Variants in LIPA observed in about 807,000 individuals in gnomAD.
LIPA encodes the protein lipase A, lysosomal acid type.
LIPA carries 26 observed loss-of-function variants against 40.6 expected under a neutral mutation model. The observed-to-expected ratio is 0.64, with a 90% CI of 0.47 to 0.89. LIPA has a LOEUF of 0.89. Among genes scored for constraint, LIPA ranks in the 40% least tolerant of loss-of-function variants. LIPA has a pLI of 0.00. For synonymous variants in LIPA, 188 were observed against 168.4 expected (o/e 1.12, Z -0.90); for missense variants, 455 against 479.6 (o/e 0.95, Z 0.48).
chr10:89,355,504 G>A (rs1344466029), intron 2 of LIPA, among the ~76,000 whole-genome samples: 4 of 152,208 alleles, frequency 2.6e-5, no homozygotes. Context: ...TTCTTCAGTT[G>A]AAATTATAAA....
At position 89,247,518 on chromosome 10, in the gene LIPA, C is replaced by T. The variant is rs761942544; in HGVS notation, c.111+20G>A. Reference sequence around the variant, plus strand: ...GGGAAATAGATGCATTTTAAAAGTACATAACTTTGAGAAACTTACCACATT... The same window carrying T: ...GGGAAATAGATGCATTTTAAAAGTATATAACTTTGAGAAACTTACCACATT... On this transcript the variant is annotated intron_variant, in intron 2 of 9. Coordinates refer to ENST00000336233, the MANE Select transcript of LIPA (RefSeq NM_000235.4). 161 of 1,451,432 alleles carry T rather than the reference C, an allele frequency of 1.1e-4. 1 individual carries two copies. Among genetic ancestry groups the T allele is most frequent in the Middle Eastern group, 8.7e-4 (5 of 5,762 alleles). The allele number at this position is 1,451,432 out of a possible 1,614,324, so 89.9% of individuals were successfully genotyped here. A position where few individuals can be genotyped will look rare whatever the true frequency, so the allele number is the denominator to read the frequency against.
At chr10:89,278,546 C>T (rs1220793090) in intron 1 of LIPA, 1 of 152,090 alleles carries the variant, frequency 6.6e-6, no homozygotes, top group African/African-American at 2.4e-5. Flanking sequence ...AGCAAGTTCC[C>T]CAGGGCCACA....
At chr10:89,253,193 A>G (rs890584766), upstream of LIPA, among the ~76,000 whole-genome samples, 1 of 152,238 alleles carries the variant, frequency 6.6e-6, no homozygotes, top group Non-Finnish European at 1.5e-5. Context: ...TCTGAACTAC[A>G]GAAGCAGGGA....
chr10:89,264,259 T>C (rs1589582450), intron 1 of LIPA, among the ~76,000 whole-genome samples: 1 of 152,134 alleles, frequency 6.6e-6, no homozygotes, highest in East Asian at 1.9e-4. Flanking sequence ...CCAGGAAGAA[T>C]GAAATATGCA....
At chr10:89,276,193 GAGTA>G (rs1843288290) in intron 1 of LIPA, among the ~76,000 whole-genome samples, 1 of 152,184 alleles carries the variant, frequency 6.6e-6, no homozygotes. Context: ...ACTACCTGCA[GAGTA>G]AGTATCTCCT....
At chr10:89,280,734 A>T (rs1843310408) in intron 1 of LIPA, among the ~76,000 whole-genome samples, 2 of 152,230 alleles carry the variant, frequency 1.3e-5, no homozygotes, top group Non-Finnish European at 2.9e-5. Flanking sequence ...ATGTGTGAGG[A>T]TGTTTTATCT....
chr10:89,342,659 C>T (rs1351622535), exon 1 of LIPA: 1 of 152,192 alleles, frequency 6.6e-6, no homozygotes, highest in Non-Finnish European at 1.5e-5. Context: ...CCCTCATCAG[C>T]ATCTTTGTAC....
At chr10:89,219,184 A>C (rs1842665460) in intron 8 of LIPA, among the ~76,000 whole-genome samples, 1 of 152,082 alleles carries the variant, frequency 6.6e-6, no homozygotes, top group African/African-American at 2.4e-5. Flanking sequence ...AAAAAAAAAG[A>C]GCACATCGTA....
intron 8 of LIPA, among the ~76,000 whole-genome samples, chr10:89,219,801 A>G (rs1842674011): frequency 6.6e-6 from 1 of 152,254 alleles, no homozygotes; most frequent in Non-Finnish European, 1.5e-5. Context: ...GGCTGCACAA[A>G]GCAACCAACC....
chr10:89,214,783 A>G lies in LIPA; in HGVS notation c.*45T>C, dbSNP rs772483310. The G allele has an allele frequency of 1.7e-6, 2 of 1,165,250 alleles. No individual in the cohort carries two copies. The highest frequency in any genetic ancestry group is 2.3e-5 in the East Asian group (1 of 42,604). The allele number at this position is 1,165,250 out of a possible 1,614,324, so 72.2% of individuals were successfully genotyped here. Reference sequence around the variant, plus strand: ...AGAAATGAAGCAAACACATTTTCACATGACATAATCATTGACTTGGTGGTA... The same window carrying G: ...AGAAATGAAGCAAACACATTTTCACGTGACATAATCATTGACTTGGTGGTA... On this transcript the variant is annotated 3_prime_UTR_variant, in exon 10 of 10. Coordinates refer to ENST00000336233, the MANE Select transcript of LIPA (RefSeq NM_000235.4).
At position 89,247,625 on chromosome 10, in the gene LIPA, C is replaced by T; in HGVS notation, c.24G>A (p.Leu8=). Residue 8 remains leucine, a synonymous_variant, in exon 2 of 10, where the codon TTG becomes TTA. Coordinates refer to ENST00000336233, the MANE Select transcript of LIPA (RefSeq NM_000235.4). ...GGGTCCAGAGAACCAAACAGACCACCAACCCCAAGAACCGCATTTTCATTC... is the reference window on the plus strand; with the variant it reads ...GGGTCCAGAGAACCAAACAGACCACTAACCCCAAGAACCGCATTTTCATTC... The part of the protein sequence containing the change: MKMRFLG[L]VVCLVLWTLH... 1 of 1,612,172 alleles carries T rather than the reference C, an allele frequency of 6.2e-7. No homozygotes were observed. Among genetic ancestry groups the T allele is most frequent in the Non-Finnish European group, 8.5e-7 (1 of 1,178,422 alleles).
At position 89,297,373 on chromosome 10, in the gene LIPA, G is replaced by A. The variant is rs537188455; in HGVS notation, c.-2+45238C>T. ...CTCTCAGCTCCCCCAAGACCTAAGCGGCACCATTGTGAGACTATAGTCATG... is the reference window on the plus strand; with the variant it reads ...CTCTCAGCTCCCCCAAGACCTAAGCAGCACCATTGTGAGACTATAGTCATG... On this transcript the variant is annotated intron_variant, in intron 1 of 5. Transcript: ENST00000282673. Among the ~76,000 whole-genome samples, 9 of 152,086 alleles carry A rather than the reference G, an allele frequency of 5.9e-5. No homozygotes were observed. The South Asian group carries it at 1.0e-3, about 18-fold the overall frequency.
upstream of LIPA, chr10:89,251,828 T>G (rs992717067): frequency 2.0e-5 from 3 of 152,336 alleles, no homozygotes; most frequent in Admixed American, 1.3e-4. Flanking sequence ...GGGCCTGGTC[T>G]GCCTTGTCGG....
chr10:89,352,662 T>A (rs1843965923), intron 2 of LIPA, among the ~76,000 whole-genome samples: 1 of 151,656 alleles, frequency 6.6e-6, no homozygotes, highest in Non-Finnish European at 1.5e-5. Flanking sequence ...AAAATTTTAA[T>A]AGACACATGG....
chr10:89,293,790 G>C (rs1223165658), intron 1 of LIPA: 1 of 151,992 alleles, frequency 6.6e-6, no homozygotes, highest in African/African-American at 2.4e-5. Flanking sequence ...TACCAGATTA[G>C]GGGCCCCACC....
At chr10:89,222,807 G>A (rs1336949990) in intron 7 of LIPA, among the ~76,000 whole-genome samples, 2 of 152,248 alleles carry the variant, frequency 1.3e-5, no homozygotes, top group Non-Finnish European at 2.9e-5. Flanking sequence ...TGGTAAGCAC[G>A]GGACTGTGTG....
Position 89,383,326 on chromosome 10 carries a change from T to A in LIPA, c.61+29465A>T, listed in dbSNP as rs1251100780. On this transcript the variant is annotated intron_variant, in intron 2 of 8. Coordinates refer to the LIPA transcript ENST00000371837. ...TGCTGCCTATTTTTACAGTGAAGAATCTGATGGAAAGCTTATTGAAGACAG... is the reference window on the plus strand; with the variant it reads ...TGCTGCCTATTTTTACAGTGAAGAAACTGATGGAAAGCTTATTGAAGACAG... 1.9e-6 allele frequency: 3 copies of A among 1,609,800 alleles called. No individual in the cohort carries two copies. In the South Asian group the frequency reaches 3.3e-5, roughly 18 times the overall value.
rs1464796858 is a variant in LIPA, at chr10:89,248,443, TATTTATTTA to T, written c.-1-803_-1-795del. On this transcript the variant is annotated intron_variant, in intron 1 of 9. Transcript: ENST00000336233. ...AGGAATTATTATTATTATTATTTTA[TATTTATTTA>T]TTTATTTATTTATTTATTTATTTAT... Among the ~76,000 whole-genome samples, 111 of 33,204 alleles carry T rather than the reference TATTTATTTA, an allele frequency of 3.3e-3. 2 individuals carry two copies. Among genetic ancestry groups the T allele is most frequent in the African/African-American group, 0.012 (87 of 7,046 alleles). 21.8% of individuals were successfully genotyped at this position (33,204 alleles called of 152,430 possible). A position where few individuals can be genotyped will look rare whatever the true frequency, so the allele number is the denominator to read the frequency against.
chr10:89,403,066 A>G lies in LIPA; in HGVS notation c.61+9725T>C, dbSNP rs757258474. On this transcript the variant is annotated intron_variant, in intron 2 of 8. Coordinates refer to the LIPA transcript ENST00000371837. Reference sequence around the variant, plus strand: ...TATGCAGCCAAGTTTTACCGAAGAAAAGGCTCTGTGGATAAAGCTCTTGAG... The same window carrying G: ...TATGCAGCCAAGTTTTACCGAAGAAGAGGCTCTGTGGATAAAGCTCTTGAG... 2.5e-6 allele frequency: 4 copies of G among 1,614,138 alleles called. No homozygotes were observed. The African/African-American group carries it at 4.0e-5, about 16-fold the overall frequency.
Sources: allele counts gnomAD v4.1 joint callset (sites outside exome capture counted in the v4.1 genomes callset), GRCh38; gene constraint gnomAD v4.1.1; transcripts MANE v1.5; gene names NCBI Gene and HGNC (gene_info 2026-07-23, HGNC 2026-07-21).